Variants in ADAM11 observed in about 807,000 individuals in gnomAD.
The protein encoded by ADAM11 is disintegrin and metalloproteinase domain-containing protein 11.
ADAM11 carries 49 observed loss-of-function variants against 119.1 expected under a neutral mutation model. That is an observed-to-expected ratio of 0.41 (90% CI 0.33 to 0.52). The LOEUF (loss-of-function observed/expected upper bound fraction) is 0.52. Ranked by LOEUF, ADAM11 falls within the 20% of genes least tolerant of loss-of-function variation. ADAM11 has a pLI of 0.20. For missense variants in ADAM11, 777 were observed against 1,047.5 expected (o/e 0.74, Z 3.56); for synonymous variants, 364 against 408.0 (o/e 0.89, Z 1.30).
At position 44,777,976 on chromosome 17, in the gene ADAM11, A is replaced by C; in HGVS notation, c.2095A>C (p.Ile699Leu). Residue 699 changes from isoleucine (I) to leucine (L), a missense_variant, in exon 24 of 27, where the codon ATC becomes CTC. Around this residue, in one of 4 missense-constraint regions of ADAM11, gnomAD observed 348 missense variants for 486.7 expected, o/e 0.72. Transcript: ENST00000200557. This position sits in a 1 kb window ranked among gnomAD's most constrained non-coding sequence, Gnocchi z 5.1. ...HGVCSNEGKC[I>L]CQPDWTGKDC... ...GGTCTGCAGCAATGAAGGGAAGTGC[A>C]TCTGTCAGCCAGACTGGACAGGCAA... The C allele has an allele frequency of 5.0e-6, 8 of 1,614,060 alleles. No homozygotes were observed. The highest frequency in any genetic ancestry group is 6.8e-6 in the Non-Finnish European group (8 of 1,180,002).
In ADAM11 at chr17:44,775,953, G is replaced by T. The variant is rs139860833; in HGVS notation, c.1486-174G>T. Among the ~76,000 whole-genome samples the T allele has an allele frequency of 9.0e-4, 137 of 152,146 alleles. No homozygotes were observed. The highest frequency in any genetic ancestry group is 3.4e-3 in the Middle Eastern group (1 of 294). On this transcript the variant is annotated intron_variant, in intron 17 of 26. Coordinates refer to ENST00000200557, the MANE Select transcript of ADAM11 (RefSeq NM_002390.6). The surrounding 1 kb of genome is among the most constrained non-coding windows in gnomAD (Gnocchi z 7.5). The stretch of plus-strand genomic sequence containing the variant: ...GGGCGGTGCTGAGTGCGCTGGGAGC[G>T]AGGTGGGGAGCGTTCAAGAGGTGGT...
Position 44,773,339 on chromosome 17 carries a change from C to G in ADAM11, c.904C>G (p.Gln302Glu), listed in dbSNP as rs2049553221. ...TWADGDKIQV[Q>E]DDLLETLARL... ...GGCAGATGGGGACAAGATCCAGGTG[C>G]AGGATGACCTCCTGGAGACCCTGGC... The change falls in exon 11 of 27, where the codon CAG (glutamine) becomes GAG (glutamate). Residue 302 changes from glutamine (Q) to glutamate (E), a missense_variant. By Grantham distance (29) the Gln-to-Glu change is conservative (BLOSUM62 2). This residue lies in a region of ADAM11 where 147 missense variants were observed against 223.3 expected (regional missense o/e 0.66). Coordinates refer to ENST00000200557, the MANE Select transcript of ADAM11 (RefSeq NM_002390.6). This position sits in a 1 kb window ranked among gnomAD's most constrained non-coding sequence, Gnocchi z 4.6. The G allele has an allele frequency of 6.2e-7, 1 of 1,614,082 alleles. No individual in the cohort carries two copies. The highest frequency in any genetic ancestry group is 8.5e-7 in the Non-Finnish European group (1 of 1,180,010).
chr17:44,759,892 G>A lies in ADAM11; in HGVS notation c.232G>A (p.Gly78Ser), dbSNP rs761880681. ...AAGGGTCCGCCAGGAGCCACCAGGG[G>A]GCCCGGTGAGTGGGGCTGGGTGGTG... is the stretch of plus-strand genomic sequence containing the variant. ...DTRVRQEPPG[G>S]PPVHLAQVSF... Residue 78 changes from glycine to serine, a missense_variant, in exon 2 of 27, where the codon GGC (glycine) becomes AGC (serine). Transcript: ENST00000200557. The A allele has an allele frequency of 6.2e-6, 8 of 1,297,808 alleles. No individual in the cohort carries two copies. The highest frequency in any genetic ancestry group is 2.6e-4 in the Middle Eastern group (1 of 3,914). The allele number at this position is 1,297,808 out of a possible 1,614,324, so 80.4% of individuals were successfully genotyped here. A position where few individuals can be genotyped will look rare whatever the true frequency, so the allele number is the denominator to read the frequency against.
intron 2 of ADAM11, among the ~76,000 whole-genome samples, chr17:44,763,837 C>G (rs1231404302): frequency 8.5e-5 from 13 of 152,074 alleles, no homozygotes; most frequent in Admixed American, 8.5e-4. Context: ...GTGCCTCAGC[C>G]TCCCGAGTAG....
At chr17:44,759,511 G>A in intron 1 of ADAM11, 2 of 1,243,006 alleles carry the variant, frequency 1.6e-6, no homozygotes, top group South Asian at 3.5e-5. Context: ...TGGGCGGATG[G>A]GGGGGCAGTC....
chr17:44,773,046 C>T lies in ADAM11; in HGVS notation c.786C>T (p.Thr262=). Residue 262 remains threonine (T), a synonymous_variant, in exon 10 of 27, where the codon ACC becomes ACT. Transcript: ENST00000200557. The surrounding 1 kb of genome is among the most constrained non-coding windows in gnomAD (Gnocchi z 4.6). ...AGATGCGACAGTCGGTGGTCCTCAC[C>T]AGCAACTTTGCCAAGTCCGTGGTGA... is the stretch of plus-strand genomic sequence containing the variant. ...FEQMRQSVVL[T]SNFAKSVVNL... is the part of the protein sequence containing the mutation. 6.2e-7 allele frequency: 1 copy of T among 1,613,928 alleles called. No individual in the cohort carries two copies.
At chr17:44,760,106 C>A (rs1460103373) in intron 2 of ADAM11, among the ~76,000 whole-genome samples, 1 of 152,210 alleles carries the variant, frequency 6.6e-6, no homozygotes, top group East Asian at 1.9e-4. Flanking sequence ...ATTGTAGGGT[C>A]CCCTGCCCTC....
In ADAM11 at chr17:44,778,023, C is replaced by G; in HGVS notation, c.2142C>G (p.Pro714=). 1 of 1,613,954 alleles carries G rather than the reference C, an allele frequency of 6.2e-7. No individual in the cohort carries two copies. The highest frequency in any genetic ancestry group is 8.5e-7 in the Non-Finnish European group (1 of 1,179,960). The change falls in exon 24 of 27, where the codon CCC becomes CCG. Residue 714 remains proline, a synonymous_variant. Transcript: ENST00000200557. Reference sequence around the variant, plus strand: ...GCAAAGACTGCAGTATCCATAACCCCCTGCCCACGTCCCCACCCACGGGGG... The same window carrying G: ...GCAAAGACTGCAGTATCCATAACCCGCTGCCCACGTCCCCACCCACGGGGG... ...WTGKDCSIHN[P]LPTSPPTGET...
chr17:44,772,585 T>C lies in ADAM11; in HGVS notation c.678+119T>C. On this transcript the variant is annotated intron_variant, in intron 8 of 26. Transcript: ENST00000200557. The surrounding 1 kb of genome is among the most constrained non-coding windows in gnomAD (Gnocchi z 4.5). ...TGGCTGGGGCGAAGGAAGGCTCAGA[T>C]GGATGTGGCTGGGGGCCAGGGACCG... 1 of 1,309,026 alleles carries C rather than the reference T, an allele frequency of 7.6e-7. No homozygotes were observed. Among genetic ancestry groups the C allele is most frequent in the Non-Finnish European group, 1.0e-6 (1 of 954,010 alleles). 81.1% of individuals were successfully genotyped at this position (1,309,026 alleles called of 1,614,324 possible).
rs1183718243 is a variant in ADAM11, at chr17:44,776,497, A to G, written c.1567-248A>G. On this transcript the variant is annotated intron_variant, in intron 18 of 26. Transcript: ENST00000200557. This position sits in a 1 kb window ranked among gnomAD's most constrained non-coding sequence, Gnocchi z 5.2. ...ACGATAATATTAGTTAACATCTATT[A>G]CAACCTAATTACATGCCAGGCATTT... 6.6e-6 allele frequency among the ~76,000 whole-genome samples: 1 copy of G among 152,186 alleles called. No homozygotes were observed. The highest frequency in any genetic ancestry group is 2.4e-5 in the African/African-American group (1 of 41,424).
Position 44,772,802 on chromosome 17 carries a change from A to C in ADAM11, c.679-55A>C. ...CACCGAGTCTGTTCCTGGCTTGGCC[A>C]TGAGATCAGTCAGACATGGAAGGGA... On this transcript the variant is annotated intron_variant, in intron 8 of 26. Transcript: ENST00000200557. This position sits in a 1 kb window ranked among gnomAD's most constrained non-coding sequence, Gnocchi z 4.5. 1.3e-6 allele frequency: 2 copies of C among 1,543,010 alleles called. No homozygotes were observed. Among genetic ancestry groups the C allele is most frequent in the Non-Finnish European group, 1.8e-6 (2 of 1,120,254 alleles).
intron 5 of ADAM11, 34 bp from the exon 6 acceptor site, chr17:44,771,722 G>A (rs1488313830): frequency 2.5e-6 from 4 of 1,613,416 alleles, no homozygotes; most frequent in Admixed American, 1.7e-5. Context: ...CCCAGGCCTG[G>A]GGACGGAGGG....
In ADAM11 at chr17:44,780,274, A is replaced by G; in HGVS notation, c.*520A>G. 2 of 412,430 alleles carry G rather than the reference A, an allele frequency of 4.8e-6. No individual in the cohort carries two copies. Among genetic ancestry groups the G allele is most frequent in the South Asian group, 3.5e-5 (2 of 56,848 alleles). The allele number at this position is 412,430 out of a possible 1,614,324, so 25.5% of individuals were successfully genotyped here. On this transcript the variant is annotated 3_prime_UTR_variant, in exon 27 of 27. Transcript: ENST00000200557. ...GTGGGGATGTTTTGACATTTACAGG[A>G]GGGCCCGGAGAAACTGAGGTATGGC... is the stretch of plus-strand genomic sequence containing the variant.
chr17:44,766,428 C>T (rs2049451306), intron 2 of ADAM11, among the ~76,000 whole-genome samples: 1 of 152,170 alleles, frequency 6.6e-6, no homozygotes, highest in South Asian at 2.1e-4. Flanking sequence ...CTGTCTGCAC[C>T]CCGCATCTGG....
At chr17:44,779,169 A>G in intron 25 of ADAM11, 53 bp from the exon 26 acceptor site, 1 of 1,567,228 alleles carries the variant, frequency 6.4e-7, no homozygotes, top group South Asian at 1.2e-5. Context: ...TGAGAGAAGC[A>G]AAAGGTCAGA....
Position 44,781,497 on chromosome 17 carries a change from A to G in ADAM11, c.*1743A>G, listed in dbSNP as rs374961585. 2 of 152,300 alleles carry G rather than the reference A, an allele frequency of 1.3e-5. No homozygotes were observed. Among genetic ancestry groups the G allele is most frequent in the African/African-American group, 4.8e-5 (2 of 41,458 alleles). 9.4% of individuals were successfully genotyped at this position (152,300 alleles called of 1,614,324 possible). On this transcript the variant is annotated 3_prime_UTR_variant, in exon 27 of 27. Coordinates refer to ENST00000200557, the MANE Select transcript of ADAM11 (RefSeq NM_002390.6). ...TAAGGCATCTGTCCTCTGGTGGTGC[A>G]CCCGTGCACACAGGTACAGTGCATC...
chr17:44,770,492 C>A (rs1280277189), intron 4 of ADAM11, among the ~76,000 whole-genome samples: 4,090 of 57,082 alleles, frequency 0.072, 321 homozygotes, highest in African/African-American at 0.21. Context: ...CCTGTCTCCC[C>A]CCCCCCCGCC....
rs756955067 is a variant in ADAM11, at chr17:44,769,911, A to T, written c.315-71A>T. On this transcript the variant is annotated intron_variant, in intron 3 of 26. Coordinates refer to ENST00000200557, the MANE Select transcript of ADAM11 (RefSeq NM_002390.6). Reference sequence around the variant, plus strand: ...CTGGGCAGAGGGGACCTGGGTCCTGACCTGAGGCGAGCCTCAAGCCCGACC... The same window carrying T: ...CTGGGCAGAGGGGACCTGGGTCCTGTCCTGAGGCGAGCCTCAAGCCCGACC... The T allele has an allele frequency of 4.4e-6, 7 of 1,607,696 alleles. No individual in the cohort carries two copies. In the South Asian group the frequency reaches 7.7e-5, roughly 18 times the overall value.
In ADAM11 at chr17:44,776,811, C is replaced by T. The variant is rs748456624; in HGVS notation, c.1617+16C>T. The T allele has an allele frequency of 1.7e-5, 27 of 1,614,034 alleles. No homozygotes were observed. The highest frequency in any genetic ancestry group is 1.2e-4 in the Admixed American group (7 of 59,992). ...CCATGAGCAGGTATGATGGCTGCCC[C>T]CTGAGCCTGGGATTCAGGGCAGTCT... is the stretch of plus-strand genomic sequence containing the variant. On this transcript the variant is annotated intron_variant, in intron 19 of 26. Coordinates refer to ENST00000200557, the MANE Select transcript of ADAM11 (RefSeq NM_002390.6). This position sits in a 1 kb window ranked among gnomAD's most constrained non-coding sequence, Gnocchi z 5.2.
Sources: gnomAD v4.1 joint callset for allele counts (sites outside exome capture counted in the v4.1 genomes callset) on GRCh38, gnomAD v4.1.1 for gene constraint, gnomAD v4.1.1 regional missense constraint, Gnocchi (gnomAD v3.1) non-coding constraint, MANE v1.5 for transcripts, NCBI Gene and HGNC (gene_info 2026-07-23, HGNC 2026-07-21) for gene names.